Variants in XPR1 observed in about 807,000 individuals in gnomAD.
XPR1 encodes xenotropic and polytropic retrovirus receptor 1.
A neutral mutation model predicts 87.5 loss-of-function variants in XPR1; 28 were observed. That is an observed-to-expected ratio of 0.32 (90% confidence interval 0.24 to 0.44). The LOEUF is 0.44. Ranked by LOEUF, XPR1 falls within the 20% of genes least tolerant of loss-of-function variation. The pLI is 1.00. For synonymous variants in XPR1, 300 were observed against 306.1 expected, an observed-to-expected ratio of 0.98 and a Z score of 0.21; for missense variants, 559 against 862.3, an observed-to-expected ratio of 0.65 and a Z score of 4.41.
intron 2 of XPR1, among the ~76,000 whole-genome samples, chr1:180,721,321 A>AT (rs1196796554): frequency 2.0e-5 from 3 of 151,798 alleles, no homozygotes; most frequent in African/African-American, 4.8e-5. Flanking sequence ...TTATCATATC[A>AT]TTTTTTCTTT....
intron 1 of XPR1, among the ~76,000 whole-genome samples, chr1:180,669,487 A>G (rs760951842): frequency 6.6e-6 from 1 of 151,996 alleles, no homozygotes; most frequent in Admixed American, 6.6e-5. Flanking sequence ...GGTTCAAGCA[A>G]TTCTCCTACC....
At chr1:180,847,412 C>T (rs903294214) in intron 11 of XPR1, among the ~76,000 whole-genome samples, 3 of 152,164 alleles carry the variant, frequency 2.0e-5, no homozygotes, top group Non-Finnish European at 4.4e-5. Context: ...TAGTGAAAGG[C>T]ACGTTTTCAC....
At chr1:180,759,541 T>C (rs528302836) in intron 2 of XPR1, among the ~76,000 whole-genome samples, 1 of 152,108 alleles carries the variant, frequency 6.6e-6, no homozygotes, top group Non-Finnish European at 1.5e-5. Context: ...CCTCGACACA[T>C]ACACCCTCCC....
intron 2 of XPR1, among the ~76,000 whole-genome samples, chr1:180,759,705 A>G (rs1206531793): frequency 6.6e-6 from 1 of 152,196 alleles, no homozygotes; most frequent in African/African-American, 2.4e-5. Flanking sequence ...AGCTGGTACC[A>G]TTCCTTCTGA....
At chr1:180,848,040 A>G (rs1338472062) in intron 11 of XPR1, among the ~76,000 whole-genome samples, 1 of 152,154 alleles carries the variant, frequency 6.6e-6, no homozygotes, top group Non-Finnish European at 1.5e-5. Flanking sequence ...ATTAATATAC[A>G]TACAAAAATT....
chr1:180,665,151 G>GTAAACA (rs1655914748), intron 1 of XPR1, among the ~76,000 whole-genome samples: 1 of 152,206 alleles, frequency 6.6e-6, no homozygotes, highest in Non-Finnish European at 1.5e-5. Context: ...CAAAGGAGAA[G>GTAAACA]TAAACACCTT....
rs1350407329 is a variant in XPR1 at position 180,749,605 on chromosome 1, T to C, written c.122-38148T>C. 2.7e-5 allele frequency among the ~76,000 whole-genome samples: 4 copies of C among 149,026 alleles called. No homozygotes were observed. In the Admixed American group the frequency reaches 2.7e-4, roughly 10 times the overall value. ...TGTAAATTATGTGCTGTACATCCTGTATATCAGTAAAATTTATAATAAACA... is the reference window on the plus strand; with the variant it reads ...TGTAAATTATGTGCTGTACATCCTGCATATCAGTAAAATTTATAATAAACA... On this transcript the variant is annotated intron_variant, in intron 2 of 14. Transcript: ENST00000367590.
chr1:180,709,771 C>T (rs12080899), intron 2 of XPR1, among the ~76,000 whole-genome samples: 6,557 of 151,926 alleles, frequency 0.043, 508 homozygotes, highest in African/African-American at 0.15. Flanking sequence ...AAATGACTAA[C>T]GATATTGAGA....
intron 10 of XPR1, 145 bp from the exon 11 acceptor site, chr1:180,836,377 T>G: frequency 4.7e-6 from 4 of 860,062 alleles, no homozygotes; most frequent in Non-Finnish European, 5.2e-6. Flanking sequence ...AAGAAAATCT[T>G]GAGAATATAA....
At chr1:180,747,947 CCAAAA>C (rs768614324) in intron 2 of XPR1, among the ~76,000 whole-genome samples, 9 of 152,168 alleles carry the variant, frequency 5.9e-5, no homozygotes, top group East Asian at 1.9e-4. Context: ...AGAACAACAA[CCAAAA>C]CAAAACAAAA....
At chr1:180,804,929 T>C (rs1649935752) in intron 4 of XPR1, among the ~76,000 whole-genome samples, 1 of 152,236 alleles carries the variant, frequency 6.6e-6, no homozygotes, top group African/African-American at 2.4e-5. Context: ...TAAATTATGT[T>C]TGTGTGTTAC....
intron 3 of XPR1, 76 bp downstream of exon 3, chr1:180,787,930 T>A: frequency 9.1e-7 from 1 of 1,094,700 alleles, no homozygotes; most frequent in Non-Finnish European, 1.4e-6. Context: ...AAACTTCTGA[T>A]CAATGTTTTT....
intron 3 of XPR1, among the ~76,000 whole-genome samples, chr1:180,798,642 C>G (rs1649673954): frequency 6.6e-6 from 1 of 152,076 alleles, no homozygotes; most frequent in African/African-American, 2.4e-5. Context: ...GACACAGTCT[C>G]ACTCTGTCAC....
At chr1:180,752,408 T>C (rs1201056610) in intron 2 of XPR1, among the ~76,000 whole-genome samples, 1 of 152,208 alleles carries the variant, frequency 6.6e-6, no homozygotes, top group Non-Finnish European at 1.5e-5. Context: ...ACCATAAAAC[T>C]GGACAGTATT....
intron 9 of XPR1, 115 bp downstream of exon 9, chr1:180,825,459 T>C: frequency 8.8e-7 from 1 of 1,131,944 alleles, no homozygotes; most frequent in Non-Finnish European, 1.2e-6. Context: ...GTTCACATTA[T>C]AGTTTATGTG....
chr1:180,734,537 G>A (rs551575466), intron 2 of XPR1, among the ~76,000 whole-genome samples: 1 of 152,164 alleles, frequency 6.6e-6, no homozygotes, highest in East Asian at 1.9e-4. Flanking sequence ...CCTGATAGTT[G>A]GTTTGCAGAG....
chr1:180,747,668 T>C (rs1647313048), intron 2 of XPR1, among the ~76,000 whole-genome samples: 1 of 152,194 alleles, frequency 6.6e-6, no homozygotes, highest in Non-Finnish European at 1.5e-5. Flanking sequence ...TAATCTGATT[T>C]TAATTGAACT....
intron 2 of XPR1, among the ~76,000 whole-genome samples, chr1:180,727,821 A>G (rs1322480235): frequency 1.3e-5 from 2 of 152,214 alleles, no homozygotes; most frequent in African/African-American, 2.4e-5. Flanking sequence ...TAGACCAGAT[A>G]AGGTAACTTC....
At chr1:180,814,994 A>G (rs1558021720) in intron 7 of XPR1, among the ~76,000 whole-genome samples, 1 of 152,142 alleles carries the variant, frequency 6.6e-6, no homozygotes, top group Non-Finnish European at 1.5e-5. Context: ...GGGTGAAAAG[A>G]TAGCTTGAGG....
Sources: allele counts gnomAD v4.1 joint callset (sites outside exome capture counted in the v4.1 genomes callset), GRCh38; gene constraint gnomAD v4.1.1; transcripts MANE v1.5; gene names NCBI Gene and HGNC (gene_info 2026-07-23, HGNC 2026-07-21).